DLG2: variants seen among roughly 807,000 people sequenced by gnomAD.
DLG2 encodes disks large homolog 2.
In DLG2, 45 loss-of-function variants were observed where a neutral mutation model predicts 132.5. That is an observed-to-expected ratio of 0.34 (90% CI 0.27 to 0.44). The LOEUF is 0.44. DLG2 is among the 20% of genes least tolerant of loss of function. DLG2 has a pLI of 1.00. For synonymous variants in DLG2, 424 were observed against 419.6 expected (o/e 1.01, Z -0.13); for missense variants, 1,045 against 1,196.9 (o/e 0.87, Z 1.87).
At chr11:84,250,449 G>T (rs2097356634) in intron 8 of DLG2, among the ~76,000 whole-genome samples, 1 of 152,170 alleles carries the variant, frequency 6.6e-6, no homozygotes, top group South Asian at 2.1e-4. Flanking sequence ...TCTGTTTGTT[G>T]TTGTCCATTA....
rs58283704 is a variant in DLG2 at position 85,357,704 on chromosome 11, TTATATATATATATATATA to T, written c.41-72357_41-72340del. ...ACAATACGCCAGGCACTGTTCTGAA[TTATATATATATATATATA>T]TATATATATATATATATATATATAT... On this transcript the variant is annotated intron_variant, in intron 3 of 27. Transcript: ENST00000376104. Among the ~76,000 whole-genome samples, 501 of 106,240 alleles carry T rather than the reference TTATATATATATATATATA, an allele frequency of 4.7e-3. 7 individuals carry two copies. The highest frequency in any genetic ancestry group is 7.5e-3 in the Admixed American group (62 of 8,260). 69.7% of individuals were successfully genotyped at this position (106,240 alleles called of 152,430 possible). A position where few individuals can be genotyped will look rare whatever the true frequency, so the allele number is the denominator to read the frequency against.
At chr11:85,066,628 T>C (rs1485149832) in intron 6 of DLG2, among the ~76,000 whole-genome samples, 1 of 151,422 alleles carries the variant, frequency 6.6e-6, no homozygotes, top group Admixed American at 6.6e-5. Flanking sequence ...GATGTAAGGG[T>C]AGTTCAACAT....
chr11:83,876,518 A>G (rs181218437), intron 15 of DLG2, among the ~76,000 whole-genome samples: 327 of 152,298 alleles, frequency 2.1e-3, no homozygotes, highest in African/African-American at 7.4e-3. Context: ...CTGGAAATAA[A>G]AATGAGAAAT....
At chr11:84,933,491 T>A (rs1486058586) in intron 6 of DLG2, among the ~76,000 whole-genome samples, 1 of 152,230 alleles carries the variant, frequency 6.6e-6, no homozygotes, top group Non-Finnish European at 1.5e-5. Flanking sequence ...ATTTTTCCTA[T>A]CCATGAGCAT....
chr11:84,795,414 A>T (rs2074446156), intron 6 of DLG2, among the ~76,000 whole-genome samples: 1 of 151,922 alleles, frequency 6.6e-6, no homozygotes, highest in Non-Finnish European at 1.5e-5. Context: ...TTGTCTGTGG[A>T]GGGGAGCTAC....
At chr11:84,220,770 TTTTTC>T (rs2096901632) in intron 8 of DLG2, among the ~76,000 whole-genome samples, 2 of 143,174 alleles carry the variant, frequency 1.4e-5, no homozygotes, top group East Asian at 2.2e-4. Context: ...TTTTTTTTTC[TTTTTC>T]TTTTCTTTTT....
chr11:84,091,032 GAA>G (rs1290930926), intron 10 of DLG2, among the ~76,000 whole-genome samples: 1 of 152,100 alleles, frequency 6.6e-6, no homozygotes, highest in East Asian at 1.9e-4. Context: ...AAAAATATCA[GAA>G]AGACATGTAC....
intron 11 of DLG2, among the ~76,000 whole-genome samples, chr11:84,042,025 T>C (rs1462683937): frequency 6.6e-6 from 1 of 151,958 alleles, no homozygotes; most frequent in East Asian, 1.9e-4. Flanking sequence ...CCCAGCCACG[T>C]GAAACTGTAA....
rs538478023 is a variant in DLG2, at chr11:84,890,903, G to A, written c.357+220758C>T. Reference sequence around the variant, plus strand: ...TGCACATGTCATGCTGGGGGACAGAGCAGCGTGTGTGCTGTCTGGATGATT... The same window carrying A: ...TGCACATGTCATGCTGGGGGACAGAACAGCGTGTGTGCTGTCTGGATGATT... On this transcript the variant is annotated intron_variant, in intron 6 of 27. Coordinates refer to ENST00000376104, the MANE Select transcript of DLG2 (RefSeq NM_001142699.3). 9.2e-5 allele frequency: 14 copies of A among 152,344 alleles called. No homozygotes were observed. In the East Asian group the frequency reaches 1.9e-3, roughly 21 times the overall value. 9.4% of individuals were successfully genotyped at this position (152,344 alleles called of 1,614,324 possible). A position where few individuals can be genotyped will look rare whatever the true frequency, so the allele number is the denominator to read the frequency against.
chr11:85,050,026 G>A (rs1372679336), intron 6 of DLG2, among the ~76,000 whole-genome samples: 1 of 151,378 alleles, frequency 6.6e-6, no homozygotes, highest in Non-Finnish European at 1.5e-5. Context: ...ACCTTGGCTA[G>A]ATGTCCAGTC....
At chr11:84,363,587 T>C (rs1281354004) in intron 7 of DLG2, among the ~76,000 whole-genome samples, 6 of 151,670 alleles carry the variant, frequency 4.0e-5, no homozygotes, top group African/African-American at 1.5e-4. Context: ...TCCTTGCCCA[T>C]GCCTATGTCC....
chr11:85,104,745 T>A (rs1342621479), intron 6 of DLG2, among the ~76,000 whole-genome samples: 1 of 150,962 alleles, frequency 6.6e-6, no homozygotes, highest in East Asian at 1.9e-4. Flanking sequence ...TGTTAAAGGA[T>A]TGAAAAACAA....
chr11:83,633,317 G>T lies in DLG2; in HGVS notation c.1834C>A (p.Arg612=). ...AGGTCATGGATTTTGGCCTCAAATC[G>T]AGCGTAATCTGGGAATGAAAACAAA... ...IAQYQPEDYA[R]FEAKIHDLRE... is the part of the protein sequence containing the mutation. The change falls in exon 19 of 28, where the codon CGA becomes AGA. Residue 612 remains arginine, a synonymous_variant. Coordinates refer to ENST00000376104, the MANE Select transcript of DLG2 (RefSeq NM_001142699.3). The T allele has an allele frequency of 1.2e-6, 2 of 1,613,282 alleles. No homozygotes were observed. Among genetic ancestry groups the T allele is most frequent in the Middle Eastern group, 3.3e-4 (2 of 6,054 alleles).
At chr11:84,960,884 C>G (rs2052458511) in intron 6 of DLG2, among the ~76,000 whole-genome samples, 1 of 152,062 alleles carries the variant, frequency 6.6e-6, no homozygotes, top group Non-Finnish European at 1.5e-5. Flanking sequence ...GTTCACCAAA[C>G]TTTGCACAGC....
At chr11:83,916,718 TC>T in intron 15 of DLG2, among the ~76,000 whole-genome samples, 1 of 152,310 alleles carries the variant, frequency 6.6e-6, no homozygotes. Flanking sequence ...CAATCATACT[TC>T]CCTGAGGTAA....
chr11:85,265,264 T>C (rs1565236200), intron 4 of DLG2, among the ~76,000 whole-genome samples: 1 of 152,246 alleles, frequency 6.6e-6, no homozygotes, highest in South Asian at 2.1e-4. Flanking sequence ...CACTGTCATA[T>C]ACATAACTTC....
chr11:83,503,655 T>G (rs1040698947), intron 21 of DLG2, among the ~76,000 whole-genome samples: 1 of 151,730 alleles, frequency 6.6e-6, no homozygotes, highest in Non-Finnish European at 1.5e-5. Flanking sequence ...CTTTTCACAT[T>G]TTTCTGTCTG....
intron 7 of DLG2, among the ~76,000 whole-genome samples, chr11:84,507,220 T>G (rs1447420629): frequency 1.3e-5 from 2 of 152,152 alleles, no homozygotes; most frequent in Non-Finnish European, 2.9e-5. Context: ...AATTCCTACC[T>G]TCAAGGAGTT....
intron 3 of DLG2, among the ~76,000 whole-genome samples, chr11:85,422,794 T>C (rs2090424145): frequency 6.6e-6 from 1 of 152,096 alleles, no homozygotes; most frequent in African/African-American, 2.4e-5. Flanking sequence ...CCTGGCATGA[T>C]TGGTTTTTAT....
Sources: allele counts gnomAD v4.1 joint callset (sites outside exome capture counted in the v4.1 genomes callset), GRCh38; gene constraint gnomAD v4.1.1; transcripts MANE v1.5; gene names NCBI Gene and HGNC (gene_info 2026-07-23, HGNC 2026-07-21).